Variants in CLECL1 observed in about 807,000 individuals in gnomAD.
CLECL1 encodes the protein C-type lectin-like domain family 1.
intron 3 of CLECL1, among the ~76,000 whole-genome samples, chr12:9,725,366 T>C (rs1056404590): frequency 6.6e-6 from 1 of 152,118 alleles, no homozygotes; most frequent in African/African-American, 2.4e-5. Context: ...CAGACTGATA[T>C]AATGCACCTA....
At chr12:9,708,345 G>T in the CLECL1 span, among the ~76,000 whole-genome samples, 1 of 152,120 alleles carries the variant, frequency 6.6e-6, no homozygotes, top group South Asian at 2.1e-4. Flanking sequence ...TTCTGATAGG[G>T]AAGTTAACGG....
chr12:9,732,639 T>C (rs1866460756), intron 1 of CLECL1, among the ~76,000 whole-genome samples: 2 of 152,194 alleles, frequency 1.3e-5, no homozygotes, highest in African/African-American at 4.8e-5. Context: ...TGAGCAAAGC[T>C]GTGGAGCAGA....
chr12:9,704,014 C>T, the CLECL1 span: 10 of 151,958 alleles, frequency 6.6e-5, no homozygotes, highest in Non-Finnish European at 1.2e-4. Flanking sequence ...TACATTAAAG[C>T]TTATTTTATG....
chr12:9,729,199 G>T (rs1189849976), intron 2 of CLECL1, among the ~76,000 whole-genome samples: 1 of 152,080 alleles, frequency 6.6e-6, no homozygotes, highest in African/African-American at 2.4e-5. Context: ...ACACAAGATT[G>T]ATGATACTTA....
At chr12:9,718,238 A>G (rs1866261009), downstream of CLECL1, among the ~76,000 whole-genome samples, 1 of 138,640 alleles carries the variant, frequency 7.2e-6, no homozygotes, top group Non-Finnish European at 1.5e-5. Context: ...CCCAAATATG[A>G]TCCACATGAA....
downstream of CLECL1, chr12:9,718,906 A>G (rs1866271442): frequency 6.8e-6 from 4 of 589,542 alleles, no homozygotes; most frequent in Non-Finnish European, 9.0e-6. Context: ...CTTTATTGAA[A>G]CAGCCCTAGC....
chr12:9,730,903 A>G (rs1332936694), intron 1 of CLECL1, among the ~76,000 whole-genome samples: 1 of 152,040 alleles, frequency 6.6e-6, no homozygotes, highest in Non-Finnish European at 1.5e-5. Context: ...CCAGGCTGGT[A>G]CCAATCTCAT....
At chr12:9,708,071 C>T in the CLECL1 span, among the ~76,000 whole-genome samples, 1 of 152,178 alleles carries the variant, frequency 6.6e-6, no homozygotes, top group Admixed American at 6.5e-5. Flanking sequence ...CCAAGTTCAG[C>T]AGCCACGAGG....
At chr12:9,718,011 T>C (rs1465039218), downstream of CLECL1, among the ~76,000 whole-genome samples, 2 of 152,166 alleles carry the variant, frequency 1.3e-5, no homozygotes, top group Non-Finnish European at 2.9e-5. Context: ...TTGTTATTTT[T>C]ATTCAACTCA....
chr12:9,725,261 A>G (rs1398407078), intron 3 of CLECL1, among the ~76,000 whole-genome samples: 2 of 152,194 alleles, frequency 1.3e-5, no homozygotes, highest in Non-Finnish European at 2.9e-5. Flanking sequence ...CTGGATAAGC[A>G]TAAAAGTATA....
the CLECL1 span, among the ~76,000 whole-genome samples, chr12:9,703,203 A>C: frequency 6.6e-6 from 1 of 152,174 alleles, no homozygotes; most frequent in East Asian, 1.9e-4. Flanking sequence ...TTGTTCCTTT[A>C]AATACAATAT....
At chr12:9,707,538 C>T in the CLECL1 span, among the ~76,000 whole-genome samples, 1 of 152,132 alleles carries the variant, frequency 6.6e-6, no homozygotes, top group South Asian at 2.1e-4. Context: ...CACTTCTGCC[C>T]TACTGCCATG....
At chr12:9,705,917 A>C in the CLECL1 span, among the ~76,000 whole-genome samples, 3 of 151,890 alleles carry the variant, frequency 2.0e-5, no homozygotes, top group Non-Finnish European at 4.4e-5. Context: ...ATTCCATATA[A>C]ATTTTAAAAT....
intron 2 of CLECL1, among the ~76,000 whole-genome samples, chr12:9,717,138 C>T (rs1324268228): frequency 1.3e-5 from 2 of 152,182 alleles, no homozygotes; most frequent in East Asian, 1.9e-4. Context: ...AGACTGGGTG[C>T]GGTGGCTCAT....
chr12:9,720,872 A>C (rs1233082113), downstream of CLECL1, among the ~76,000 whole-genome samples: 1 of 152,154 alleles, frequency 6.6e-6, no homozygotes, highest in Non-Finnish European at 1.5e-5. Flanking sequence ...CTGAATTCTT[A>C]CTGGTATCTG....
At chr12:9,707,857 A>G in the CLECL1 span, among the ~76,000 whole-genome samples, 1,132 of 152,270 alleles carry the variant, frequency 7.4e-3, 7 homozygotes, top group African/African-American at 0.025. Context: ...TAGTGTTAAG[A>G]GTTTTGTTAC....
At chr12:9,732,645 G>T (rs1386034360) in intron 1 of CLECL1, among the ~76,000 whole-genome samples, 1 of 152,186 alleles carries the variant, frequency 6.6e-6, no homozygotes, top group East Asian at 1.9e-4. Flanking sequence ...AAGCTGTGGA[G>T]CAGAAAGGCG....
At position 9,722,824 on chromosome 12, in the gene CLECL1, G is replaced by A; in HGVS notation, n.263-11C>T. The A allele has an allele frequency of 1.3e-6, 2 of 1,586,100 alleles. No individual in the cohort carries two copies. The highest frequency in any genetic ancestry group is 8.6e-7 in the Non-Finnish European group (1 of 1,160,322). On this transcript the variant is annotated splice_polypyrimidine_tract_variant and intron_variant and non_coding_transcript_variant, in intron 3 of 3. Transcript: ENST00000621400. ...AAAAGTTGAAAGAAACTGGAAGAAA[G>A]GAAGATAAGCAATTAAAATCAATGT...
chr12:9,726,536 G>A (rs1289879518), intron 3 of CLECL1, among the ~76,000 whole-genome samples: 2 of 151,984 alleles, frequency 1.3e-5, no homozygotes, highest in Non-Finnish European at 2.9e-5. Context: ...GTCCCAGAAG[G>A]AAACAAAGAG....
Sources: gnomAD v4.1 joint callset for allele counts (sites outside exome capture counted in the v4.1 genomes callset) on GRCh38, gnomAD v4.1.1 for gene constraint, MANE v1.5 for transcripts, NCBI Gene and HGNC (gene_info 2026-07-23, HGNC 2026-07-21) for gene names.